Variants in COL21A1 observed in about 807,000 individuals in gnomAD.
COL21A1 encodes collagen type XXI alpha 1 chain.
A neutral mutation model predicts 137.9 loss-of-function variants in COL21A1; 149 were observed. That is an observed-to-expected ratio of 1.08 (90% CI 0.95 to 1.24). The LOEUF (loss-of-function observed/expected upper bound fraction) is 1.24. COL21A1 is among the 50% of genes most tolerant of loss of function. The pLI, the probability that COL21A1 is intolerant of heterozygous loss-of-function variation, is 0.00. For missense variants in COL21A1, 1,167 were observed against 1,158.4 expected (o/e 1.01, Z -0.11); for synonymous variants, 456 against 391.5 (o/e 1.16, Z -1.95).
intron 1 of COL21A1, among the ~76,000 whole-genome samples, chr6:56,275,517 G>GAA (rs1436669828): frequency 6.6e-6 from 1 of 151,442 alleles, no homozygotes; most frequent in African/African-American, 2.4e-5. Context: ...AATCAACAAG[G>GAA]AAAAAAACAA....
At chr6:56,125,993 T>C in intron 13 of COL21A1, 103 bp downstream of exon 13, 1 of 653,514 alleles carries the variant, frequency 1.5e-6, no homozygotes, top group Non-Finnish European at 2.6e-6. Flanking sequence ...TATCTCTAAT[T>C]ATATATGAAC....
intron 1 of COL21A1, among the ~76,000 whole-genome samples, chr6:56,313,242 AG>A (rs1312193563): frequency 2.0e-5 from 3 of 151,960 alleles, no homozygotes; most frequent in African/African-American, 7.2e-5. Context: ...CTTATTTGTG[AG>A]GGTTACCCAA....
chr6:56,255,416 G>A (rs949726555), intron 1 of COL21A1, among the ~76,000 whole-genome samples: 1 of 151,640 alleles, frequency 6.6e-6, no homozygotes, highest in East Asian at 1.9e-4. Context: ...ATTGCATAGA[G>A]CGCTGTGAAG....
chr6:56,282,554 A>G (rs1763808717), intron 1 of COL21A1, among the ~76,000 whole-genome samples: 1 of 152,208 alleles, frequency 6.6e-6, no homozygotes, highest in Non-Finnish European at 1.5e-5. Flanking sequence ...TGTCTATCAT[A>G]TGTTTACCAT....
intron 16 of COL21A1, among the ~76,000 whole-genome samples, chr6:56,115,912 A>G (rs1196217841): frequency 6.6e-6 from 1 of 152,096 alleles, no homozygotes; most frequent in Non-Finnish European, 1.5e-5. Context: ...GTCCTTTAAT[A>G]GCAGAATGAA....
At chr6:56,283,070 A>G (rs1763817306) in intron 1 of COL21A1, among the ~76,000 whole-genome samples, 2 of 152,206 alleles carry the variant, frequency 1.3e-5, no homozygotes, top group Non-Finnish European at 2.9e-5. Context: ...AACACAATAA[A>G]TACATTCAAA....
intron 1 of COL21A1, among the ~76,000 whole-genome samples, chr6:56,382,238 G>T (rs143603483): frequency 1.3e-4 from 20 of 152,110 alleles, no homozygotes; most frequent in Non-Finnish European, 2.4e-4. Context: ...AATGCTCAAG[G>T]CCTCCCTTCT....
intron 1 of COL21A1, among the ~76,000 whole-genome samples, chr6:56,386,319 T>C (rs1381569870): frequency 6.6e-6 from 1 of 152,244 alleles, no homozygotes; most frequent in Non-Finnish European, 1.5e-5. Context: ...CATTCATTCG[T>C]TGATGAACAT....
chr6:56,226,604 T>A (rs1781209984), intron 1 of COL21A1, among the ~76,000 whole-genome samples: 1 of 152,060 alleles, frequency 6.6e-6, no homozygotes, highest in South Asian at 2.1e-4. Flanking sequence ...CAAAGCTAAC[T>A]GGCAAGCCTA....
At chr6:56,386,060 T>C (rs2094017447) in intron 1 of COL21A1, among the ~76,000 whole-genome samples, 1 of 152,172 alleles carries the variant, frequency 6.6e-6, no homozygotes, top group Admixed American at 6.5e-5. Flanking sequence ...TACATAACAT[T>C]CCATAAGTCA....
chr6:56,330,354 G>C (rs904941344), intron 1 of COL21A1, among the ~76,000 whole-genome samples: 4 of 151,944 alleles, frequency 2.6e-5, no homozygotes, highest in Non-Finnish European at 5.9e-5. Context: ...AAACGCATTG[G>C]CTAGTATTAA....
chr6:56,154,315 C>T (rs1335187458), intron 10 of COL21A1, among the ~76,000 whole-genome samples: 1 of 152,128 alleles, frequency 6.6e-6, no homozygotes, highest in Non-Finnish European at 1.5e-5. Flanking sequence ...CCAAATAAAC[C>T]TTTCTTTATA....
intron 17 of COL21A1, among the ~76,000 whole-genome samples, chr6:56,091,136 C>A (rs1768778932): frequency 6.6e-6 from 1 of 152,136 alleles, no homozygotes; most frequent in Non-Finnish European, 1.5e-5. Flanking sequence ...ATTATCACAG[C>A]AATTCATCAT....
At chr6:56,066,607 T>G (rs1766273560) in intron 23 of COL21A1, among the ~76,000 whole-genome samples, 1 of 151,772 alleles carries the variant, frequency 6.6e-6, no homozygotes, top group Non-Finnish European at 1.5e-5. Context: ...TGAAAGAACA[T>G]CAGATATAAT....
intron 13 of COL21A1, among the ~76,000 whole-genome samples, 165 bp from the exon 14 acceptor site, chr6:56,125,785 T>C (rs922913918): frequency 1.6e-4 from 24 of 151,986 alleles, no homozygotes; most frequent in African/African-American, 5.3e-4. Flanking sequence ...TTCCAGGCTT[T>C]ATAAAGAAAA....
intron 1 of COL21A1, among the ~76,000 whole-genome samples, chr6:56,293,790 T>G (rs1050826707): frequency 2.6e-5 from 4 of 152,134 alleles, no homozygotes; most frequent in Non-Finnish European, 5.9e-5. Flanking sequence ...ATTTTGAAAT[T>G]TAATTAAAAT....
At chr6:56,232,204 T>C (rs957699441) in intron 1 of COL21A1, among the ~76,000 whole-genome samples, 2 of 151,928 alleles carry the variant, frequency 1.3e-5, no homozygotes, top group African/African-American at 2.4e-5. Context: ...GACAATACTA[T>C]ACTTCCAACT....
intron 9 of COL21A1, among the ~76,000 whole-genome samples, chr6:56,159,424 G>T (rs1292519114): frequency 1.4e-5 from 2 of 144,832 alleles, no homozygotes; most frequent in Non-Finnish European, 3.0e-5. Context: ...CCTCCACCCC[G>T]CAGGTTCAAG....
chr6:56,189,830 A>G (rs1778542773), intron 1 of COL21A1, among the ~76,000 whole-genome samples: 1 of 152,194 alleles, frequency 6.6e-6, no homozygotes, highest in African/African-American at 2.4e-5. Context: ...TTCTTAAAGA[A>G]AAGAATTTTC....
Sources: gnomAD v4.1 joint callset for allele counts (sites outside exome capture counted in the v4.1 genomes callset) on GRCh38, gnomAD v4.1.1 for gene constraint, MANE v1.5 for transcripts, NCBI Gene and HGNC (gene_info 2026-07-23, HGNC 2026-07-21) for gene names.